Variants in TYW1B observed in about 807,000 individuals in gnomAD.
TYW1B encodes the protein S-adenosyl-L-methionine-dependent tRNA 4-demethylwyosine synthase TYW1B.
TYW1B carries 73 observed loss-of-function variants against 86.9 expected under a neutral mutation model. That is an observed-to-expected ratio of 0.84 (90% confidence interval 0.70 to 1.02). TYW1B has a LOEUF of 1.02. Among genes scored for constraint, TYW1B ranks in the 50% least tolerant of loss-of-function variants. The pLI, the probability that TYW1B is intolerant of heterozygous loss-of-function variation, is 0.00. For missense variants in TYW1B, 637 were observed against 827.4 expected (o/e 0.77, Z 2.82); for synonymous variants, 248 against 292.8 (o/e 0.85, Z 1.56).
chr7:72,767,060 A>C (rs1442655241), intron 7 of TYW1B, among the ~76,000 whole-genome samples: 2 of 152,182 alleles, frequency 1.3e-5, no homozygotes, highest in Non-Finnish European at 2.9e-5. Flanking sequence ...GAAAAACAGA[A>C]GCAGGGAAGA....
At chr7:72,712,759 C>T (rs1786694692) in intron 10 of TYW1B, among the ~76,000 whole-genome samples, 1 of 152,200 alleles carries the variant, frequency 6.6e-6, no homozygotes. Context: ...GCATACCATG[C>T]CAGCAGACTG....
At position 72,575,593 on chromosome 7, in the gene TYW1B, G is replaced by T. The variant is rs1585818436; in HGVS notation, c.1912C>A (p.His638Asn). ...TCATTGGCACCAAATAATGCCCAGT[G>T]AGGAGTTCTGGCCATATAATCCTTT... ...SAKDYMARTPHWALFGANERS... is the reference protein window; with the variant it reads ...SAKDYMARTPNWALFGANERS... Residue 638 changes from histidine to asparagine, a missense_variant, in exon 14 of 14, where the codon CAC becomes AAC. Transcript: ENST00000620995. 3.1e-6 allele frequency: 5 copies of T among 1,613,842 alleles called. No individual in the cohort carries two copies. In the African/African-American group the frequency reaches 6.7e-5, roughly 22 times the overall value.
chr7:72,683,661 A>C (rs1188097153), intron 11 of TYW1B, among the ~76,000 whole-genome samples: 1 of 152,206 alleles, frequency 6.6e-6, no homozygotes. Flanking sequence ...CACATTATTA[A>C]AGGTCTAGTG....
At chr7:72,597,572 C>G (rs1811566730) in intron 13 of TYW1B, among the ~76,000 whole-genome samples, 3 of 151,722 alleles carry the variant, frequency 2.0e-5, no homozygotes, top group Admixed American at 2.0e-4. Context: ...TATGGCGGTA[C>G]CACCCTGAAC....
intron 8 of TYW1B, among the ~76,000 whole-genome samples, chr7:72,729,646 C>T (rs1292717013): frequency 1.3e-5 from 2 of 152,066 alleles, no homozygotes; most frequent in Admixed American, 6.6e-5. Context: ...AAGGAGACCA[C>T]CCCCAAGACA....
rs2129573021 is a variant in TYW1B at position 72,826,844 on chromosome 7, A to G, written c.135+11T>C. The G allele has an allele frequency of 6.2e-7, 1 of 1,605,700 alleles. No individual in the cohort carries two copies. Among genetic ancestry groups the G allele is most frequent in the African/African-American group, 1.3e-5 (1 of 74,184 alleles). ...CCTAAATACTCTATTAAAAAAAATAACTCCACTTACCTGCATCTCGATGAC... is the reference window on the plus strand; with the variant it reads ...CCTAAATACTCTATTAAAAAAAATAGCTCCACTTACCTGCATCTCGATGAC... On this transcript the variant is annotated intron_variant, in intron 2 of 13. Coordinates refer to ENST00000620995, the MANE Select transcript of TYW1B (RefSeq NM_001145440.3).
intron 11 of TYW1B, among the ~76,000 whole-genome samples, chr7:72,668,768 T>C (rs1451419729): frequency 6.6e-6 from 1 of 152,170 alleles, no homozygotes; most frequent in African/African-American, 2.4e-5. Context: ...ACATTTTAAG[T>C]TTATGCCAGA....
chr7:72,622,493 C>T (rs572784268), intron 12 of TYW1B, among the ~76,000 whole-genome samples: 2 of 152,258 alleles, frequency 1.3e-5, no homozygotes, highest in East Asian at 1.9e-4. Context: ...GATGAATAAC[C>T]TGTCCTAGGC....
At chr7:72,740,170 T>G (rs1787276656) in intron 8 of TYW1B, among the ~76,000 whole-genome samples, 1 of 151,724 alleles carries the variant, frequency 6.6e-6, no homozygotes, top group Non-Finnish European at 1.5e-5. Context: ...GAGGTGGAGC[T>G]TGCAGTGAGC....
chr7:72,780,652 C>G (rs1788035549), intron 6 of TYW1B, among the ~76,000 whole-genome samples: 1 of 152,112 alleles, frequency 6.6e-6, no homozygotes, highest in Non-Finnish European at 1.5e-5. Flanking sequence ...GAGAAAGTAT[C>G]TATTATAAAA....
intron 2 of TYW1B, among the ~76,000 whole-genome samples, chr7:72,820,142 G>A (rs1788801275): frequency 6.6e-6 from 1 of 152,070 alleles, no homozygotes; most frequent in African/African-American, 2.4e-5. Context: ...AGGTGTGGTG[G>A]CGCACACCTG....
At chr7:72,787,707 G>A (rs1209937752) in intron 6 of TYW1B, among the ~76,000 whole-genome samples, 2 of 151,804 alleles carry the variant, frequency 1.3e-5, no homozygotes, top group East Asian at 3.9e-4. Flanking sequence ...GGAGGTAGAG[G>A]CTGCAGTGAG....
intron 11 of TYW1B, among the ~76,000 whole-genome samples, chr7:72,669,716 G>T (rs1813549711): frequency 6.6e-6 from 1 of 151,998 alleles, no homozygotes; most frequent in South Asian, 2.1e-4. Flanking sequence ...ACTTCAGTGA[G>T]CTGAGATCAC....
intron 8 of TYW1B, among the ~76,000 whole-genome samples, chr7:72,732,127 G>C (rs1554460068): frequency 6.6e-6 from 1 of 152,102 alleles, no homozygotes; most frequent in African/African-American, 2.4e-5. Context: ...GGAGCACTGA[G>C]ATATAAAGCA....
At chr7:72,738,528 A>G (rs1554461431) in intron 8 of TYW1B, among the ~76,000 whole-genome samples, 1 of 152,132 alleles carries the variant, frequency 6.6e-6, no homozygotes, top group East Asian at 1.9e-4. Flanking sequence ...GCACTGTCCT[A>G]TGCATTAGGG....
chr7:72,689,185 C>G (rs1448337747), intron 11 of TYW1B, among the ~76,000 whole-genome samples: 3 of 151,870 alleles, frequency 2.0e-5, no homozygotes, highest in African/African-American at 7.3e-5. Flanking sequence ...TGGAAATAAA[C>G]CAAATAGGTC....
intron 11 of TYW1B, among the ~76,000 whole-genome samples, chr7:72,663,883 G>T (rs532227770): frequency 1.3e-5 from 2 of 150,374 alleles, no homozygotes; most frequent in East Asian, 3.9e-4. Flanking sequence ...TCTGTTGAAC[G>T]AGTACAAACC....
chr7:72,738,462 G>A (rs571635589), intron 8 of TYW1B, among the ~76,000 whole-genome samples: 2 of 152,224 alleles, frequency 1.3e-5, no homozygotes, highest in African/African-American at 4.8e-5. Flanking sequence ...TGGCACACAG[G>A]TTATTTCAAC....
intron 12 of TYW1B, among the ~76,000 whole-genome samples, chr7:72,625,895 G>GC (rs1812333761): frequency 9.9e-6 from 1 of 100,626 alleles, no homozygotes; most frequent in Non-Finnish European, 2.0e-5. Context: ...GAGAGGTGGG[G>GC]CGGGGGGGGG....
Sources: allele counts gnomAD v4.1 joint callset (sites outside exome capture counted in the v4.1 genomes callset), GRCh38; gene constraint gnomAD v4.1.1; transcripts MANE v1.5; gene names NCBI Gene and HGNC (gene_info 2026-07-23, HGNC 2026-07-21).